The following PLCL1 variants were observed in gnomAD, a reference collection of about 807,000 sequenced individuals.
PLCL1 encodes the protein inactive phospholipase C-like protein 1.
Under a neutral mutation model 84.4 loss-of-function variants are expected in PLCL1, and 41 were observed. That is an observed-to-expected ratio of 0.49 (90% CI 0.38 to 0.63). The LOEUF is 0.63. Among genes scored for constraint, PLCL1 ranks in the 30% least tolerant of loss-of-function variants. PLCL1 has a pLI of 0.00. For synonymous variants in PLCL1, 490 were observed against 488.3 expected (o/e 1.00, Z -0.05); for missense variants, 1,206 against 1,367.8 (o/e 0.88, Z 1.87).
intron 1 of PLCL1, chr2:198,001,966 T>G: frequency 2.3e-6 from 1 of 441,292 alleles, no homozygotes; most frequent in East Asian, 7.0e-5. Context: ...GACTGTGTAG[T>G]TGCAGGAAAA....
intron 1 of PLCL1, among the ~76,000 whole-genome samples, chr2:197,910,291 C>T (rs961231235): frequency 3.3e-5 from 5 of 152,164 alleles, no homozygotes; most frequent in African/African-American, 2.4e-5. Flanking sequence ...TGTTCTGTAA[C>T]CTTTGGTTTC....
At chr2:197,980,062 A>G (rs1276280907) in intron 1 of PLCL1, among the ~76,000 whole-genome samples, 2 of 152,210 alleles carry the variant, frequency 1.3e-5, no homozygotes, top group Non-Finnish European at 2.9e-5. Context: ...GAGAGACTCC[A>G]TGCATTAGAA....
intron 1 of PLCL1, among the ~76,000 whole-genome samples, chr2:198,032,037 A>G (rs1000682272): frequency 1.3e-5 from 2 of 152,218 alleles, no homozygotes; most frequent in African/African-American, 2.4e-5. Flanking sequence ...TTATTTCTGC[A>G]TGTATATCTA....
chr2:198,137,142 A>G (rs1273650497), intron 5 of PLCL1, among the ~76,000 whole-genome samples: 2 of 152,186 alleles, frequency 1.3e-5, no homozygotes, highest in Non-Finnish European at 2.9e-5. Flanking sequence ...AATTAAATAA[A>G]AAAACACAAA....
At chr2:197,872,025 C>G (rs1227194559) in intron 1 of PLCL1, among the ~76,000 whole-genome samples, 2 of 152,122 alleles carry the variant, frequency 1.3e-5, no homozygotes, top group African/African-American at 4.8e-5. Flanking sequence ...TGTGCTGTCA[C>G]TTTGTTGCTG....
intron 1 of PLCL1, among the ~76,000 whole-genome samples, chr2:197,902,264 C>A (rs1319047281): frequency 6.6e-6 from 1 of 152,048 alleles, no homozygotes; most frequent in Non-Finnish European, 1.5e-5. Flanking sequence ...AATCTATAGA[C>A]CCTGGAATGG....
intron 1 of PLCL1, among the ~76,000 whole-genome samples, chr2:197,899,742 T>G (rs2105735207): frequency 6.6e-6 from 1 of 150,966 alleles, no homozygotes; most frequent in East Asian, 1.9e-4. Context: ...TTCACGCCAT[T>G]CTCCTGCCTC....
intron 1 of PLCL1, among the ~76,000 whole-genome samples, chr2:198,077,189 T>C (rs1692595608): frequency 6.6e-6 from 1 of 152,178 alleles, no homozygotes; most frequent in South Asian, 2.1e-4. Flanking sequence ...TGGAACCCTT[T>C]ACTCTCAGTC....
intron 1 of PLCL1, among the ~76,000 whole-genome samples, chr2:198,056,327 T>C (rs1439965073): frequency 6.6e-6 from 1 of 151,986 alleles, no homozygotes; most frequent in African/African-American, 2.4e-5. Flanking sequence ...CCCATAAGGA[T>C]TGATTAGTTT....
intron 1 of PLCL1, among the ~76,000 whole-genome samples, chr2:197,923,524 G>T (rs1030370627): frequency 6.8e-6 from 1 of 146,164 alleles, no homozygotes; most frequent in Admixed American, 6.7e-5. Context: ...CAGATGGGGC[G>T]GCGGGGCAGA....
chr2:197,921,574 C>T (rs549928190), intron 1 of PLCL1, among the ~76,000 whole-genome samples: 103 of 152,172 alleles, frequency 6.8e-4, no homozygotes, highest in Non-Finnish European at 1.4e-3. Flanking sequence ...AATAAATAAG[C>T]ATTTCTTTAC....
chr2:197,874,781 T>C (rs1687706342), intron 1 of PLCL1, among the ~76,000 whole-genome samples: 1 of 152,186 alleles, frequency 6.6e-6, no homozygotes, highest in South Asian at 2.1e-4. Context: ...ATTTTATGCT[T>C]GTTTTCTAGG....
rs972318486 is a variant in PLCL1 at position 198,040,037 on chromosome 2, G to A, written c.241-43721G>A. On this transcript the variant is annotated intron_variant, in intron 1 of 5. Transcript: ENST00000428675. ...TAGATCAGATTTGGACATTTTGTCC[G>A]AAGTAGGGCAATAAATTATGTCTTA... Among the ~76,000 whole-genome samples, 6 of 152,300 alleles carry A rather than the reference G, an allele frequency of 3.9e-5. No individual in the cohort carries two copies. The East Asian group carries it at 9.6e-4, about 24-fold the overall frequency.
At chr2:198,107,576 T>G (rs1693506826) in intron 5 of PLCL1, among the ~76,000 whole-genome samples, 1 of 151,986 alleles carries the variant, frequency 6.6e-6, no homozygotes, top group Non-Finnish European at 1.5e-5. Context: ...TGTTATTTGT[T>G]TGTTTGCCAG....
intron 1 of PLCL1, among the ~76,000 whole-genome samples, chr2:198,016,136 TGAG>T (rs1180272119): frequency 2.6e-5 from 4 of 152,174 alleles, no homozygotes; most frequent in Non-Finnish European, 5.9e-5. Context: ...TAGATGTGGC[TGAG>T]GAGGGACAGA....
chr2:197,860,669 A>G (rs965252169), intron 1 of PLCL1, among the ~76,000 whole-genome samples: 2 of 152,132 alleles, frequency 1.3e-5, no homozygotes, highest in African/African-American at 2.4e-5. Flanking sequence ...GACGGCATGC[A>G]TGCCTCTTTT....
intron 1 of PLCL1, among the ~76,000 whole-genome samples, chr2:197,873,429 C>T (rs913498673): frequency 6.6e-6 from 1 of 152,018 alleles, no homozygotes; most frequent in African/African-American, 2.4e-5. Flanking sequence ...GGTTCTTACA[C>T]TTTGTGGCGG....
intron 1 of PLCL1, among the ~76,000 whole-genome samples, chr2:197,818,813 C>T (rs1690744921): frequency 6.6e-6 from 1 of 152,044 alleles, no homozygotes; most frequent in African/African-American, 2.4e-5. Context: ...CATCAGAGCC[C>T]CTGATGCTCT....
intron 5 of PLCL1, among the ~76,000 whole-genome samples, chr2:198,135,442 G>C (rs1318081853): frequency 1.3e-5 from 2 of 152,192 alleles, no homozygotes; most frequent in African/African-American, 2.4e-5. Context: ...AAAGAGCAGA[G>C]AGCAAGGGAA....
Sources: gnomAD v4.1 joint callset for allele counts (sites outside exome capture counted in the v4.1 genomes callset) on GRCh38, gnomAD v4.1.1 for gene constraint, MANE v1.5 for transcripts, NCBI Gene and HGNC (gene_info 2026-07-23, HGNC 2026-07-21) for gene names.